SSPN: variants seen among roughly 807,000 people sequenced by gnomAD.
SSPN encodes the protein K-ras oncogene-associated protein.
Under a neutral mutation model 19.1 loss-of-function variants are expected in SSPN, and 15 were observed. That is an observed-to-expected ratio of 0.78 (90% CI 0.52 to 1.21). The LOEUF is 1.21. Among genes scored for constraint, SSPN ranks in the 50% most tolerant of loss-of-function variants. The probability of loss-of-function intolerance (pLI) is 0.00; values close to 1 mark genes in which losing one functional copy is unlikely to be tolerated. For synonymous variants in SSPN, 147 were observed against 140.3 expected, an observed-to-expected ratio of 1.05 and a Z score of -0.34; for missense variants, 291 against 314.0, an observed-to-expected ratio of 0.93 and a Z score of 0.55.
intron 1 of SSPN, among the ~76,000 whole-genome samples, chr12:26,201,689 C>T (rs1282699430): frequency 6.6e-6 from 1 of 151,592 alleles, no homozygotes; most frequent in African/African-American, 2.4e-5. Context: ...GAAAGTTAGT[C>T]TCTGGAAGCT....
rs1270106668 is a variant in SSPN at position 26,174,486 on chromosome 12, TCCTTCCTTCCTTCCTTC to T, written c.-30-49788_-30-49772del. On this transcript the variant is annotated intron_variant, in intron 1 of 2. Transcript: ENST00000538142. Reference sequence around the variant, plus strand: ...ATCCTGCTACCCACGCTTCCTTCCTTCCTTCCTTCCTTCCTTCCCTTCCTTCCTTCCTTCCTTCCTTC... The same window carrying T: ...ATCCTGCTACCCACGCTTCCTTCCTTCCTTCCTTCCTTCCTTCCTTCCTTC... Among the ~76,000 whole-genome samples the T allele has an allele frequency of 2.9e-3, 342 of 119,494 alleles. 4 individuals carry two copies. Among genetic ancestry groups the T allele is most frequent in the Admixed American group, 2.0e-3 (26 of 13,076 alleles). 78.4% of individuals were successfully genotyped at this position (119,494 alleles called of 152,430 possible). A position where few individuals can be genotyped will look rare whatever the true frequency, so the allele number is the denominator to read the frequency against.
intron 1 of SSPN, among the ~76,000 whole-genome samples, chr12:26,170,659 C>G (rs1482683401): frequency 6.6e-6 from 1 of 152,152 alleles, no homozygotes; most frequent in East Asian, 1.9e-4. Flanking sequence ...ATATGATTTG[C>G]TAATTCTAAG....
intron 1 of SSPN, among the ~76,000 whole-genome samples, chr12:26,150,147 A>G (rs1188972291): frequency 6.6e-6 from 1 of 152,186 alleles, no homozygotes; most frequent in African/African-American, 2.4e-5. Flanking sequence ...CTCAAGGCCA[A>G]GCCGACATTA....
At chr12:26,183,084 A>G (rs4963650) in intron 1 of SSPN, among the ~76,000 whole-genome samples, 5,989 of 152,266 alleles carry the variant, frequency 0.039, 157 homozygotes, top group South Asian at 0.081. Flanking sequence ...CATACTTTAA[A>G]AAGTACATAC....
chr12:26,124,825 T>A, intron 1 of SSPN: 1 of 1,590,934 alleles, frequency 6.3e-7, no homozygotes, highest in Non-Finnish European at 8.6e-7. Context: ...TGGGGCTCTG[T>A]ACAATAATCT....
intron 2 of SSPN, among the ~76,000 whole-genome samples, chr12:26,227,198 T>G (rs763897361): frequency 2.0e-5 from 3 of 152,298 alleles, no homozygotes; most frequent in African/African-American, 7.2e-5. Context: ...AGCTTGTTGC[T>G]GTCAGATGAG....
upstream of SSPN, among the ~76,000 whole-genome samples, chr12:26,191,595 A>C (rs568424386): frequency 6.6e-6 from 1 of 152,328 alleles, no homozygotes; most frequent in African/African-American, 2.4e-5. Flanking sequence ...GCTGAGAAAA[A>C]AATTAAGCCC....
chr12:26,175,948 T>G (rs1944681265), intron 1 of SSPN, among the ~76,000 whole-genome samples: 1 of 152,084 alleles, frequency 6.6e-6, no homozygotes. Context: ...GCAATTCTCC[T>G]GCCTCAGCCT....
At chr12:26,122,484 G>A in intron 1 of SSPN, 3 of 1,332,634 alleles carry the variant, frequency 2.3e-6, no homozygotes, top group South Asian at 1.7e-5. Context: ...GAAGGGGGCC[G>A]CGGCGGCCGC....
At chr12:26,175,438 A>C (rs1262238452) in intron 1 of SSPN, among the ~76,000 whole-genome samples, 1 of 152,134 alleles carries the variant, frequency 6.6e-6, no homozygotes, top group Non-Finnish European at 1.5e-5. Context: ...TCTGGATACA[A>C]GTTCTTTATC....
At chr12:26,155,510 T>C (rs2137419396) in intron 1 of SSPN, among the ~76,000 whole-genome samples, 1 of 152,302 alleles carries the variant, frequency 6.6e-6, no homozygotes, top group South Asian at 2.1e-4. Context: ...GCAATAGGTA[T>C]ATTAACATTT....
chr12:26,122,864 G>A (rs534490998), intron 1 of SSPN: 4 of 1,563,540 alleles, frequency 2.6e-6, no homozygotes, highest in East Asian at 2.4e-5. Context: ...TGACGGGCAC[G>A]CAGTAGGCGA....
At chr12:26,202,481 T>C (rs988288236) in intron 1 of SSPN, among the ~76,000 whole-genome samples, 77 of 152,254 alleles carry the variant, frequency 5.1e-4, no homozygotes, top group African/African-American at 1.8e-3. Flanking sequence ...TTGACTTATA[T>C]GCACTCTCCT....
At chr12:26,224,993 C>A (rs1351219269) in intron 2 of SSPN, among the ~76,000 whole-genome samples, 12 of 152,122 alleles carry the variant, frequency 7.9e-5, no homozygotes, top group Admixed American at 7.2e-4. Context: ...CAAAGGGAAG[C>A]AAAGACACTA....
chr12:26,227,604 C>T (rs567693741), intron 2 of SSPN, among the ~76,000 whole-genome samples: 1 of 152,342 alleles, frequency 6.6e-6, no homozygotes, highest in Non-Finnish European at 1.5e-5. Context: ...CCTCAGTCCT[C>T]AGAACTGGCA....
intron 1 of SSPN, among the ~76,000 whole-genome samples, chr12:26,197,498 T>C (rs1051789233): frequency 1.3e-5 from 2 of 152,212 alleles, no homozygotes; most frequent in Admixed American, 6.5e-5. Flanking sequence ...AAACAAAGAA[T>C]GAAGCTCTTT....
chr12:26,122,671 G>A lies in SSPN; in HGVS notation c.-31+519G>A, dbSNP rs550663067. ...CCGCTGCCGCCGCCGCGGGAATCCA[G>A]CTTCATCCTCTTGGGCGCCGGCGAG... is the stretch of plus-strand genomic sequence containing the variant. On this transcript the variant is annotated intron_variant, in intron 1 of 2. Transcript: ENST00000538142. 1.0e-4 allele frequency: 160 copies of A among 1,532,020 alleles called. 2 individuals carry two copies. In the South Asian group the frequency reaches 1.2e-3, roughly 12 times the overall value. 94.9% of individuals were successfully genotyped at this position (1,532,020 alleles called of 1,614,324 possible).
At chr12:26,224,682 A>G (rs991124449) in intron 2 of SSPN, among the ~76,000 whole-genome samples, 1 of 150,836 alleles carries the variant, frequency 6.6e-6, no homozygotes, top group African/African-American at 2.4e-5. Flanking sequence ...GAAAAAAGGT[A>G]TCTCTTTCAG....
intron 1 of SSPN, among the ~76,000 whole-genome samples, chr12:26,174,528 C>CCTTCCCTTCCTTCCTTCCTTCCTTCCTTT (rs1944672689): frequency 7.2e-6 from 1 of 139,010 alleles, no homozygotes; most frequent in Non-Finnish European, 1.5e-5. Flanking sequence ...TTCCTTCCTT[C>CCTTCCCTTCCTTCCTTCCTTCCTTCCTTT]CTTTCTTTTT....
Sources: allele counts gnomAD v4.1 joint callset (sites outside exome capture counted in the v4.1 genomes callset), GRCh38; gene constraint gnomAD v4.1.1; transcripts MANE v1.5; gene names NCBI Gene and HGNC (gene_info 2026-07-23, HGNC 2026-07-21).